MSI2: variants seen among roughly 807,000 people sequenced by gnomAD.
The protein encoded by MSI2 is RNA-binding protein Musashi homolog 2.
Under a neutral mutation model 45.6 loss-of-function variants are expected in MSI2, and 17 were observed. The observed-to-expected ratio is 0.37, with a 90% CI of 0.26 to 0.56. The LOEUF (loss-of-function observed/expected upper bound fraction) is 0.56. Ranked by LOEUF, MSI2 falls within the 20% of genes least tolerant of loss-of-function variation. The probability of loss-of-function intolerance (pLI) is 0.77; values close to 1 mark genes in which losing one functional copy is unlikely to be tolerated. For synonymous variants in MSI2, 156 were observed against 158.2 expected, an observed-to-expected ratio of 0.99 and a Z score of 0.11; for missense variants, 293 against 444.2, an observed-to-expected ratio of 0.66 and a Z score of 3.06.
rs138857784 is a variant in MSI2 at position 57,314,060 on chromosome 17, G to A, written c.312+51868G>A. On this transcript the variant is annotated intron_variant, in intron 5 of 13. Coordinates refer to ENST00000284073, the MANE Select transcript of MSI2 (RefSeq NM_138962.4). ...ATGGAAGTTTTGATAGGGTTGGCTCGTTCTGAGGGCTGGGAGGGAAGGATC... is the reference window on the plus strand; with the variant it reads ...ATGGAAGTTTTGATAGGGTTGGCTCATTCTGAGGGCTGGGAGGGAAGGATC... 8.1e-3 allele frequency among the ~76,000 whole-genome samples: 1,223 copies of A among 151,920 alleles called. 10 individuals carry two copies. The highest frequency in any genetic ancestry group is 9.7e-3 in the African/African-American group (400 of 41,406).
At chr17:57,485,426 C>T (rs919737367) in intron 6 of MSI2, among the ~76,000 whole-genome samples, 3 of 152,042 alleles carry the variant, frequency 2.0e-5, no homozygotes, top group Non-Finnish European at 2.9e-5. Flanking sequence ...CATTTGCCTG[C>T]GTATCTGGAA....
At chr17:57,580,798 C>T (rs1234956822) in intron 7 of MSI2, among the ~76,000 whole-genome samples, 1 of 152,120 alleles carries the variant, frequency 6.6e-6, no homozygotes, top group Non-Finnish European at 1.5e-5. Flanking sequence ...AGCTTTGGTA[C>T]CTCAGAGGTG....
intron 5 of MSI2, among the ~76,000 whole-genome samples, chr17:57,342,159 T>A (rs1915223036): frequency 6.6e-6 from 1 of 152,238 alleles, no homozygotes; most frequent in Admixed American, 6.5e-5. Flanking sequence ...ATGTGGGAGA[T>A]ACTGCTTTGG....
intron 5 of MSI2, among the ~76,000 whole-genome samples, chr17:57,304,119 G>A (rs1348451493): frequency 6.6e-6 from 1 of 152,144 alleles, no homozygotes; most frequent in Non-Finnish European, 1.5e-5. Context: ...AGCACTTTGG[G>A]AGGCCGAGGC....
At chr17:57,658,635 CA>C (rs1391402209) in intron 11 of MSI2, among the ~76,000 whole-genome samples, 3 of 152,218 alleles carry the variant, frequency 2.0e-5, no homozygotes, top group Admixed American at 6.5e-5. Context: ...AACTCTAGTG[CA>C]ATTAGTGACT....
chr17:57,695,477 G>T, the MSI2 span, among the ~76,000 whole-genome samples: 1 of 152,156 alleles, frequency 6.6e-6, no homozygotes, highest in Non-Finnish European at 1.5e-5. Context: ...CTGAAGATGA[G>T]GCTCAGGGCA....
intron 6 of MSI2, among the ~76,000 whole-genome samples, chr17:57,486,709 T>C (rs764124004): frequency 6.6e-6 from 1 of 152,214 alleles, no homozygotes; most frequent in African/African-American, 2.4e-5. Context: ...AGGATACAAA[T>C]GGCGGTCCAT....
intron 6 of MSI2, among the ~76,000 whole-genome samples, chr17:57,483,033 C>T (rs2085678779): frequency 6.6e-6 from 1 of 152,178 alleles, no homozygotes; most frequent in African/African-American, 2.4e-5. Flanking sequence ...TAACCTAATC[C>T]AATATCCTTG....
At position 57,513,659 on chromosome 17, in the gene MSI2, G is replaced by A. The variant is rs528442667; in HGVS notation, c.406-16017G>A. Reference sequence around the variant, plus strand: ...ATTTTAAATTGACAGCAGTTAGGGCGGAGGGGCTCCTTCACTGCAGTCCCT... The same window carrying A: ...ATTTTAAATTGACAGCAGTTAGGGCAGAGGGGCTCCTTCACTGCAGTCCCT... On this transcript the variant is annotated intron_variant, in intron 6 of 13. Coordinates refer to ENST00000284073, the MANE Select transcript of MSI2 (RefSeq NM_138962.4). Among the ~76,000 whole-genome samples the A allele has an allele frequency of 7.2e-5, 11 of 152,342 alleles. No individual in the cohort carries two copies. The South Asian group carries it at 8.3e-4, about 11-fold the overall frequency.
intron 8 of MSI2, among the ~76,000 whole-genome samples, chr17:57,610,327 C>T (rs148444535): frequency 0.014 from 2,196 of 152,214 alleles, 25 homozygotes; most frequent in Admixed American, 0.023. Context: ...TGGCGTGCAC[C>T]TATAGTCCCA....
intron 5 of MSI2, among the ~76,000 whole-genome samples, chr17:57,276,903 G>A (rs578053557): frequency 5.3e-5 from 8 of 152,186 alleles, no homozygotes; most frequent in Admixed American, 5.2e-4. Context: ...GGGAACGGTG[G>A]CAGAAAGGAT....
intron 6 of MSI2, among the ~76,000 whole-genome samples, chr17:57,516,957 T>A (rs937077447): frequency 2.0e-5 from 3 of 152,236 alleles, no homozygotes; most frequent in African/African-American, 4.8e-5. Context: ...TTTTATCCTC[T>A]CTGCCTTGAA....
At chr17:57,587,638 G>C (rs564275678) in intron 7 of MSI2, among the ~76,000 whole-genome samples, 158 of 151,838 alleles carry the variant, frequency 1.0e-3, no homozygotes, top group African/African-American at 3.6e-3. Flanking sequence ...CTGATTAAGC[G>C]TGTGGGGGAA....
intron 6 of MSI2, among the ~76,000 whole-genome samples, chr17:57,423,252 G>T (rs2084429920): frequency 6.6e-6 from 1 of 152,206 alleles, no homozygotes; most frequent in Non-Finnish European, 1.5e-5. Flanking sequence ...CAACCCAGCA[G>T]TTTATTAAAG....
At chr17:57,498,824 T>G (rs2086035211) in intron 6 of MSI2, among the ~76,000 whole-genome samples, 2 of 152,250 alleles carry the variant, frequency 1.3e-5, no homozygotes, top group African/African-American at 4.8e-5. Flanking sequence ...ATGTGCAGAT[T>G]TGTTATATAT....
chr17:57,447,050 G>C (rs1205739528), intron 6 of MSI2, among the ~76,000 whole-genome samples: 1 of 152,314 alleles, frequency 6.6e-6, no homozygotes, highest in African/African-American at 2.4e-5. Flanking sequence ...AAGCATCTCA[G>C]CTGCCACAGT....
In MSI2 at chr17:57,681,530, T is replaced by C. The variant is rs1406574933; in HGVS notation, c.*2013T>C. 1 of 182,464 alleles carries C rather than the reference T, an allele frequency of 5.5e-6. No homozygotes were observed. Among genetic ancestry groups the C allele is most frequent in the Non-Finnish European group, 1.2e-5 (1 of 85,742 alleles). The allele number at this position is 182,464 out of a possible 1,614,324, so 11.3% of individuals were successfully genotyped here. ...CTAATGTAGACATTCACAGACATGG[T>C]AGGGCAAAAGCATCTTCAAACTAAA... is the stretch of plus-strand genomic sequence containing the variant. On this transcript the variant is annotated 3_prime_UTR_variant, in exon 14 of 14. Transcript: ENST00000284073.
intron 5 of MSI2, among the ~76,000 whole-genome samples, chr17:57,281,557 G>A (rs550542360): frequency 3.3e-5 from 5 of 152,084 alleles, no homozygotes; most frequent in South Asian, 4.1e-4. Flanking sequence ...GTTCCAGCTC[G>A]CTCTGTTTAG....
intron 8 of MSI2, chr17:57,601,182 C>A (rs1184208852): frequency 6.6e-6 from 1 of 152,226 alleles, no homozygotes; most frequent in Non-Finnish European, 1.5e-5. Flanking sequence ...AGGCCAGATT[C>A]CCAGCTAGGG....
Sources: allele counts gnomAD v4.1 joint callset (sites outside exome capture counted in the v4.1 genomes callset), GRCh38; gene constraint gnomAD v4.1.1; transcripts MANE v1.5; gene names NCBI Gene and HGNC (gene_info 2026-07-23, HGNC 2026-07-21).